Variants in TRAF3IP1 observed in about 807,000 individuals in gnomAD.
The protein encoded by TRAF3IP1 is intraflagellar transport 54, also known as TRAF3-interacting protein 1.
Under a neutral mutation model 89.9 loss-of-function variants are expected in TRAF3IP1, and 53 were observed. That is an observed-to-expected ratio of 0.59 (90% CI 0.47 to 0.74). The LOEUF (loss-of-function observed/expected upper bound fraction) is 0.74, where lower values mean the gene tolerates loss of function less well. TRAF3IP1 is among the 30% of genes least tolerant of loss of function. The pLI, the probability that TRAF3IP1 is intolerant of heterozygous loss-of-function variation, is 0.00. For missense variants in TRAF3IP1, 806 were observed against 866.1 expected, an observed-to-expected ratio of 0.93 and a Z score of 0.87; for synonymous variants, 311 against 322.1, an observed-to-expected ratio of 0.97 and a Z score of 0.37.
At chr2:238,322,687 C>CAA (rs71043130) in intron 1 of TRAF3IP1, among the ~76,000 whole-genome samples, 12,182 of 43,506 alleles carry the variant, frequency 0.28, 3,082 homozygotes, top group Non-Finnish European at 0.35. Flanking sequence ...GACCCTGTCT[C>CAA]AAAAAAAAAA....
At chr2:238,348,966 C>A in intron 11 of TRAF3IP1, 118 bp downstream of exon 11, 1 of 842,934 alleles carries the variant, frequency 1.2e-6, no homozygotes, top group Non-Finnish European at 1.9e-6. Flanking sequence ...TGAGGAATTA[C>A]TTATACAAAG....
Position 238,397,539 on chromosome 2 carries a change from C to T in TRAF3IP1, c.1770C>T (p.Ile590=), listed in dbSNP as rs144342329. ...AGATAGAGAAGCTCCGCACGTCCAT[C>T]CAGACCCTGTGCAAGAGCGCACTTC... ...SKEIEKLRTS[I]QTLCKSALPL... is the part of the protein sequence containing the mutation. The change falls in exon 16 of 17, where the codon ATC becomes ATT. Residue 590 remains isoleucine, a synonymous_variant. Transcript: ENST00000373327. 2 of 1,613,098 alleles carry T rather than the reference C, an allele frequency of 1.2e-6. No homozygotes were observed. Among genetic ancestry groups the T allele is most frequent in the East Asian group, 2.2e-5 (1 of 44,882 alleles).
intron 15 of TRAF3IP1, among the ~76,000 whole-genome samples, chr2:238,381,407 G>A (rs998586496): frequency 1.3e-5 from 2 of 152,348 alleles, no homozygotes; most frequent in African/African-American, 4.8e-5. Flanking sequence ...GGCATGGGTG[G>A]CGGGTGGGGT....
rs1040065285 is a variant in TRAF3IP1, at chr2:238,320,561, G to GGGC, written c.-87_-85dup. The GGGC allele has an allele frequency of 8.9e-5, 92 of 1,033,732 alleles. No homozygotes were observed. The highest frequency in any genetic ancestry group is 4.5e-4 in the African/African-American group (26 of 58,010). The allele number at this position is 1,033,732 out of a possible 1,614,324, so 64.0% of individuals were successfully genotyped here. A position where few individuals can be genotyped will look rare whatever the true frequency, so the allele number is the denominator to read the frequency against. On this transcript the variant is annotated 5_prime_UTR_variant, in exon 1 of 17. Transcript: ENST00000373327. ...CGGAGCGGCGCGTCCTGGCAGGACC[G>GGGC]GGCGGCGGCGGCGGCGGGGCCGGCG... is the stretch of plus-strand genomic sequence containing the variant.
At chr2:238,363,968 T>A (rs1357706035) in intron 15 of TRAF3IP1, among the ~76,000 whole-genome samples, 4 of 152,032 alleles carry the variant, frequency 2.6e-5, no homozygotes, top group South Asian at 2.1e-4. Flanking sequence ...TCAAAAAAAA[T>A]ATATAAATAA....
intron 8 of TRAF3IP1, among the ~76,000 whole-genome samples, chr2:238,341,606 A>G (rs963725296): frequency 3.3e-5 from 5 of 151,648 alleles, no homozygotes; most frequent in African/African-American, 1.2e-4. Context: ...ATTTGCGCAG[A>G]ACACTGGCCG....
intron 15 of TRAF3IP1, among the ~76,000 whole-genome samples, chr2:238,390,687 G>A (rs1435928044): frequency 2.6e-5 from 4 of 152,186 alleles, no homozygotes; most frequent in African/African-American, 9.7e-5. Context: ...GGTTTACTAT[G>A]TGTGAGGCAC....
intron 3 of TRAF3IP1, among the ~76,000 whole-genome samples, chr2:238,327,190 G>A (rs77598694): frequency 1.3e-5 from 2 of 152,180 alleles, no homozygotes; most frequent in East Asian, 3.9e-4. Context: ...TCGGCCTCTT[G>A]CCCTGGTGCC....
In TRAF3IP1 at chr2:238,399,047, A is replaced by G; in HGVS notation, c.*128A>G. ...CAGTTTACAATGTTATTATCCAGCTAATTTTCAGAGCTTTAAAACTGTAAG... is the reference window on the plus strand; with the variant it reads ...CAGTTTACAATGTTATTATCCAGCTGATTTTCAGAGCTTTAAAACTGTAAG... On this transcript the variant is annotated 3_prime_UTR_variant, in exon 17 of 17. Coordinates refer to ENST00000373327, the MANE Select transcript of TRAF3IP1 (RefSeq NM_015650.4). The G allele has an allele frequency of 1.2e-6, 1 of 831,950 alleles. No homozygotes were observed. The allele number at this position is 831,950 out of a possible 1,614,324, so 51.5% of individuals were successfully genotyped here.
At chr2:238,336,187 T>C (rs976312041) in intron 7 of TRAF3IP1, among the ~76,000 whole-genome samples, 3 of 152,218 alleles carry the variant, frequency 2.0e-5, no homozygotes, top group Non-Finnish European at 4.4e-5. Flanking sequence ...TAATTGCTTC[T>C]GATATGTGCA....
intron 15 of TRAF3IP1, among the ~76,000 whole-genome samples, chr2:238,383,703 T>G (rs756088222): frequency 3.1e-4 from 47 of 152,386 alleles, no homozygotes; most frequent in Admixed American, 7.2e-4. Context: ...TTCCTCATTC[T>G]AGCAAACACT....
chr2:238,378,056 ATTAC>A (rs1376991745), intron 15 of TRAF3IP1, among the ~76,000 whole-genome samples: 20 of 152,132 alleles, frequency 1.3e-4, no homozygotes, highest in Admixed American at 3.3e-4. Flanking sequence ...TTTAACCAAT[ATTAC>A]TTACTTAGGC....
At chr2:238,362,355 T>C (rs1454561743) in intron 15 of TRAF3IP1, among the ~76,000 whole-genome samples, 1 of 152,216 alleles carries the variant, frequency 6.6e-6, no homozygotes, top group Non-Finnish European at 1.5e-5. Context: ...GGTTTAGATT[T>C]ACCTGCAAGC....
At chr2:238,374,202 T>C (rs998229749) in intron 15 of TRAF3IP1, among the ~76,000 whole-genome samples, 1 of 152,230 alleles carries the variant, frequency 6.6e-6, no homozygotes, top group African/African-American at 2.4e-5. Flanking sequence ...CATCCTTGTC[T>C]TGTGCTGGTT....
At chr2:238,389,921 G>T (rs1036066152) in intron 15 of TRAF3IP1, among the ~76,000 whole-genome samples, 3 of 152,132 alleles carry the variant, frequency 2.0e-5, no homozygotes, top group Non-Finnish European at 2.9e-5. Context: ...GAGGACAAGT[G>T]TGTGTGTGGT....
At chr2:238,335,252 T>G (rs1033296609) in intron 7 of TRAF3IP1, among the ~76,000 whole-genome samples, 2 of 152,226 alleles carry the variant, frequency 1.3e-5, no homozygotes, top group Non-Finnish European at 2.9e-5. Flanking sequence ...GATTTGTGCT[T>G]TATCATACAT....
chr2:238,355,143 G>A (rs2106330072), intron 14 of TRAF3IP1, among the ~76,000 whole-genome samples: 1 of 152,276 alleles, frequency 6.6e-6, no homozygotes, highest in South Asian at 2.1e-4. Flanking sequence ...CCTTTTTAAT[G>A]TAAGATAATT....
chr2:238,385,775 C>T lies in TRAF3IP1; in HGVS notation c.1690-11684C>T, dbSNP rs769419041. On this transcript the variant is annotated intron_variant, in intron 15 of 16. Transcript: ENST00000373327. Reference sequence around the variant, plus strand: ...TTTGGTGCAAGGAGGGCATCTCCTACATGGGAGTTTCATCACCTGCTTTTA... The same window carrying T: ...TTTGGTGCAAGGAGGGCATCTCCTATATGGGAGTTTCATCACCTGCTTTTA... Among the ~76,000 whole-genome samples, 23 of 152,096 alleles carry T rather than the reference C, an allele frequency of 1.5e-4. 2 individuals carry two copies. The highest frequency in any genetic ancestry group is 3.4e-4 in the Non-Finnish European group (23 of 68,042).
intron 15 of TRAF3IP1, among the ~76,000 whole-genome samples, chr2:238,377,239 T>TC (rs943676826): frequency 7.2e-6 from 1 of 139,656 alleles, no homozygotes; most frequent in African/African-American, 2.7e-5. Context: ...TCTTTTTTTT[T>TC]TTTTTTTTTT....
Sources: allele counts gnomAD v4.1 joint callset (sites outside exome capture counted in the v4.1 genomes callset), GRCh38; gene constraint gnomAD v4.1.1; transcripts MANE v1.5; gene names NCBI Gene and HGNC (gene_info 2026-07-23, HGNC 2026-07-21).